Variants in DYNC2I1 observed in about 807,000 individuals in gnomAD.
The protein encoded by DYNC2I1 is cytoplasmic dynein 2 intermediate chain 1.
A neutral mutation model predicts 133.4 loss-of-function variants in DYNC2I1; 89 were observed. The observed-to-expected ratio is 0.67, with a 90% CI of 0.56 to 0.80. The LOEUF (loss-of-function observed/expected upper bound fraction) is 0.80, where lower values mean the gene tolerates loss of function less well. Among genes scored for constraint, DYNC2I1 ranks in the 30% least tolerant of loss-of-function variants. The pLI is 0.00. For synonymous variants in DYNC2I1, 504 were observed against 484.3 expected (o/e 1.04, Z -0.54); for missense variants, 1,291 against 1,314.5 (o/e 0.98, Z 0.28).
At chr7:158,877,746 G>GT in intron 4 of DYNC2I1, among the ~76,000 whole-genome samples, 1 of 152,000 alleles carries the variant, frequency 6.6e-6, no homozygotes, top group Non-Finnish European at 1.5e-5. Context: ...TGTCACCCAG[G>GT]TTTGAGTGTT....
At chr7:158,886,908 T>C in intron 6 of DYNC2I1, 113 bp from the exon 7 acceptor site, 1 of 1,004,756 alleles carries the variant, frequency 1.0e-6, no homozygotes, top group Non-Finnish European at 1.5e-6. Flanking sequence ...GTTGTAGTAG[T>C]TCTTAATCAT....
chr7:158,945,438 A>G lies in DYNC2I1; in HGVS notation c.3003-143A>G, dbSNP rs1195960257. 2 of 917,138 alleles carry G rather than the reference A, an allele frequency of 2.2e-6. No individual in the cohort carries two copies. Among genetic ancestry groups the G allele is most frequent in the South Asian group, 1.8e-5 (1 of 56,938 alleles). The allele number at this position is 917,138 out of a possible 1,614,324, so 56.8% of individuals were successfully genotyped here. On this transcript the variant is annotated intron_variant, in intron 24 of 24. Coordinates refer to ENST00000407559, the MANE Select transcript of DYNC2I1 (RefSeq NM_018051.5). The surrounding 1 kb of genome is among the most constrained non-coding windows in gnomAD (Gnocchi z 4.1). ...ATTTTCACACATTTATTTCTGGTCT[A>G]GCTTTCATTTTGGCTATTGGTATTT...
In DYNC2I1 at chr7:158,914,230, T is replaced by A. The variant is rs587777066; in HGVS notation, c.1703-3T>A. On this transcript the variant is annotated splice_polypyrimidine_tract_variant and splice_region_variant and intron_variant, in intron 13 of 24. Transcript: ENST00000407559. The stretch of plus-strand genomic sequence containing the variant: ...TTGATTTTATATAAACTGTTTTTTT[T>A]AGGCAGTGAACAAAGAGATACCTCT... The A allele has an allele frequency of 6.2e-7, 1 of 1,607,754 alleles. No homozygotes were observed. The highest frequency in any genetic ancestry group is 8.5e-7 in the Non-Finnish European group (1 of 1,176,780).
At chr7:158,847,581 C>A in the DYNC2I1 span, among the ~76,000 whole-genome samples, 12 of 152,290 alleles carry the variant, frequency 7.9e-5, no homozygotes, top group South Asian at 2.5e-3. Flanking sequence ...CATACTCATA[C>A]TCCCAGGCAG....
At chr7:158,847,704 G>A in the DYNC2I1 span, among the ~76,000 whole-genome samples, 1 of 152,176 alleles carries the variant, frequency 6.6e-6, no homozygotes, top group Non-Finnish European at 1.5e-5. Context: ...GCTGGATTGG[G>A]CCTTAACACT....
intron 14 of DYNC2I1, among the ~76,000 whole-genome samples, chr7:158,915,319 G>C (rs1330640358): frequency 2.0e-5 from 3 of 151,742 alleles, no homozygotes; most frequent in Admixed American, 6.6e-5. Flanking sequence ...GGACACGCTG[G>C]TTGACATTAA....
intron 1 of DYNC2I1, among the ~76,000 whole-genome samples, chr7:158,867,664 A>C (rs1842526645): frequency 6.6e-6 from 1 of 152,132 alleles, no homozygotes; most frequent in East Asian, 1.9e-4. Flanking sequence ...GGGGGACGTT[A>C]GGGTGCAGTC....
At position 158,934,170 on chromosome 7, in the gene DYNC2I1, C is replaced by T. The variant is rs749596085; in HGVS notation, c.2588C>T (p.Thr863Ile). 2.5e-6 allele frequency: 4 copies of T among 1,612,642 alleles called. No individual in the cohort carries two copies. The East Asian group carries it at 8.9e-5, about 36-fold the overall frequency. ...AATGAATTTTGGGGCACTACACAAA[C>T]ACTGAATGTTAAATTTCTGCCTTCA... Reference protein sequence around the residue: ...KGNEFWGTTQTLNVKFLPSDP... With the variant: ...KGNEFWGTTQILNVKFLPSDP... Residue 863 changes from threonine to isoleucine, a missense_variant, in exon 22 of 25, where the codon ACA (threonine) becomes ATA (isoleucine). Physicochemically the swap from Thr to Ile is moderately conservative, Grantham distance 89. Coordinates refer to ENST00000407559, the MANE Select transcript of DYNC2I1 (RefSeq NM_018051.5).
chr7:158,841,167 A>G, the DYNC2I1 span, among the ~76,000 whole-genome samples: 16 of 1,112 alleles, frequency 0.014, no homozygotes, highest in Non-Finnish European at 0.025. Context: ...AAATATATAT[A>G]TATATATATA....
Position 158,887,199 on chromosome 7 carries a change from G to A in DYNC2I1, c.990+124G>A, listed in dbSNP as rs530005302. ...GGGCTCATTTGCAGATGGTTTATTC[G>A]AGTGGTGATCCCAGAAGGCACACTG... On this transcript the variant is annotated intron_variant, in intron 7 of 24. Coordinates refer to ENST00000407559, the MANE Select transcript of DYNC2I1 (RefSeq NM_018051.5). 1.5e-4 allele frequency: 136 copies of A among 931,250 alleles called. 3 individuals are homozygous for A. The South Asian group carries it at 1.9e-3, about 13-fold the overall frequency. The allele number at this position is 931,250 out of a possible 1,614,324, so 57.7% of individuals were successfully genotyped here. A position where few individuals can be genotyped will look rare whatever the true frequency, so the allele number is the denominator to read the frequency against.
intron 8 of DYNC2I1, among the ~76,000 whole-genome samples, chr7:158,897,569 A>T (rs751538959): frequency 5.9e-5 from 9 of 152,156 alleles, no homozygotes; most frequent in Non-Finnish European, 1.2e-4. Context: ...TTTTAATGTC[A>T]TGGGATCTGC....
chr7:158,870,293 C>T (rs969429943), intron 2 of DYNC2I1, among the ~76,000 whole-genome samples: 4 of 152,144 alleles, frequency 2.6e-5, no homozygotes, highest in African/African-American at 9.7e-5. Context: ...CTTTAAAACA[C>T]AGCTTCAGTA....
chr7:158,915,459 G>A (rs77033936), intron 14 of DYNC2I1, among the ~76,000 whole-genome samples: 18 of 57,886 alleles, frequency 3.1e-4, no homozygotes, highest in Admixed American at 1.2e-3. Flanking sequence ...ATTGTGAAAC[G>A]TCGACACGCT....
At chr7:158,877,543 A>C (rs1032302148) in intron 4 of DYNC2I1, among the ~76,000 whole-genome samples, 3 of 152,254 alleles carry the variant, frequency 2.0e-5, no homozygotes, top group African/African-American at 7.2e-5. Context: ...TCATCAGAGC[A>C]TAATTCCTTA....
At chr7:158,880,262 C>T (rs1843866327) in intron 5 of DYNC2I1, among the ~76,000 whole-genome samples, 1 of 152,140 alleles carries the variant, frequency 6.6e-6, no homozygotes, top group African/African-American at 2.4e-5. Flanking sequence ...TTTGGCCAGG[C>T]GCGGTGGCTC....
intron 8 of DYNC2I1, among the ~76,000 whole-genome samples, chr7:158,893,682 C>T (rs1024971185): frequency 6.6e-6 from 1 of 152,164 alleles, no homozygotes; most frequent in South Asian, 2.1e-4. Context: ...TACCATATAT[C>T]ATAGTGCATA....
chr7:158,849,373 C>T, the DYNC2I1 span, among the ~76,000 whole-genome samples: 2 of 152,136 alleles, frequency 1.3e-5, no homozygotes, highest in South Asian at 4.1e-4. Flanking sequence ...GTCAGTCTGC[C>T]CTTTGAGAAA....
intron 13 of DYNC2I1, 120 bp from the exon 14 acceptor site, chr7:158,914,113 G>A (rs1847769307): frequency 1.3e-6 from 1 of 741,572 alleles, no homozygotes; most frequent in Non-Finnish European, 2.2e-6. Context: ...GAAGTTTTCT[G>A]TCTTTTCCTT....
intron 11 of DYNC2I1, among the ~76,000 whole-genome samples, chr7:158,910,590 C>CA: frequency 7.9e-6 from 1 of 126,452 alleles, no homozygotes; most frequent in Non-Finnish European, 1.6e-5. Context: ...GGAGGGCCAT[C>CA]AGCTGTGTCA....
Sources: gnomAD v4.1 joint callset for allele counts (sites outside exome capture counted in the v4.1 genomes callset) on GRCh38, gnomAD v4.1.1 for gene constraint, Gnocchi (gnomAD v3.1) non-coding constraint, MANE v1.5 for transcripts, NCBI Gene and HGNC (gene_info 2026-07-23, HGNC 2026-07-21) for gene names.